The following STYK1 variants were observed in gnomAD, a reference collection of about 807,000 sequenced individuals.
STYK1 encodes tyrosine-protein kinase STYK1.
A neutral mutation model predicts 48.1 loss-of-function variants in STYK1; 46 were observed. That is an observed-to-expected ratio of 0.96 (90% confidence interval 0.75 to 1.22). STYK1 has a LOEUF of 1.22. Among genes scored for constraint, STYK1 ranks in the 50% most tolerant of loss-of-function variants. The probability of loss-of-function intolerance (pLI) is 0.00; values close to 1 mark genes in which losing one functional copy is unlikely to be tolerated. For synonymous variants in STYK1, 188 were observed against 189.0 expected (o/e 0.99, Z 0.04); for missense variants, 527 against 521.1 (o/e 1.01, Z -0.11).
At position 10,627,617 on chromosome 12, in the gene STYK1, A is replaced by T. The variant is rs146506099; in HGVS notation, c.717+24T>A. ...GCTAACAAGGAAACGTCACACCATCAGTTGTCATGTTGCCTCATCTTACCA... is the reference window on the plus strand; with the variant it reads ...GCTAACAAGGAAACGTCACACCATCTGTTGTCATGTTGCCTCATCTTACCA... On this transcript the variant is annotated intron_variant, in intron 7 of 10. Coordinates refer to ENST00000075503, the MANE Select transcript of STYK1 (RefSeq NM_018423.3). 7.2e-4 allele frequency: 1,141 copies of T among 1,593,574 alleles called. 6 individuals are homozygous for T. The Middle Eastern group carries it at 9.0e-3, about 13-fold the overall frequency.
chr12:10,644,118 A>C (rs1171913410), intron 1 of STYK1, among the ~76,000 whole-genome samples: 1 of 152,214 alleles, frequency 6.6e-6, no homozygotes, highest in Non-Finnish European at 1.5e-5. Context: ...CCATCCGTAT[A>C]ATATTTCCAA....
At chr12:10,659,583 G>GCC (rs55811220) in intron 1 of STYK1, among the ~76,000 whole-genome samples, 149,367 of 152,102 alleles carry the variant, frequency 0.98, 73,395 homozygotes, top group East Asian at 1. Flanking sequence ...GGGCCCAGGA[G>GCC]GCAAGTTATC....
At chr12:10,654,584 G>T (rs1430965822) in intron 1 of STYK1, among the ~76,000 whole-genome samples, 1 of 152,156 alleles carries the variant, frequency 6.6e-6, no homozygotes, top group African/African-American at 2.4e-5. Context: ...CCAGGTAAAG[G>T]ATCAGATTGG....
intron 6 of STYK1, among the ~76,000 whole-genome samples, chr12:10,629,005 C>A (rs1486821445): frequency 6.6e-6 from 1 of 152,122 alleles, no homozygotes; most frequent in African/African-American, 2.4e-5. Context: ...TCTGTACCAA[C>A]CATGGCCATG....
At chr12:10,622,166 GA>G (rs926939091) in intron 9 of STYK1, among the ~76,000 whole-genome samples, 194 bp from the exon 10 acceptor site, 120 of 152,210 alleles carry the variant, frequency 7.9e-4, no homozygotes, top group Admixed American at 6.5e-3. Flanking sequence ...GTGTTTTGGA[GA>G]AAAAAACCTG....
chr12:10,656,444 G>A (rs549092199), intron 1 of STYK1, among the ~76,000 whole-genome samples: 1 of 152,148 alleles, frequency 6.6e-6, no homozygotes, highest in South Asian at 2.1e-4. Context: ...GGCTAATATG[G>A]TGAAACCCTG....
chr12:10,633,584 A>G (rs1444592213), intron 4 of STYK1, among the ~76,000 whole-genome samples: 2 of 152,080 alleles, frequency 1.3e-5, no homozygotes, highest in Admixed American at 6.5e-5. Context: ...CCTCCTTTCC[A>G]TCATATATCC....
At chr12:10,670,359 G>A (rs1947878951) in intron 1 of STYK1, among the ~76,000 whole-genome samples, 1 of 152,076 alleles carries the variant, frequency 6.6e-6, no homozygotes, top group African/African-American at 2.4e-5. Context: ...AATGAATAAA[G>A]TATAAATACA....
intron 1 of STYK1, among the ~76,000 whole-genome samples, chr12:10,670,310 C>T (rs1010738235): frequency 6.6e-6 from 1 of 151,948 alleles, no homozygotes; most frequent in African/African-American, 2.4e-5. Flanking sequence ...TTCACAATAT[C>T]CAAGAGATGG....
intron 1 of STYK1, among the ~76,000 whole-genome samples, chr12:10,651,247 G>A (rs151247991): frequency 1.3e-5 from 2 of 152,162 alleles, no homozygotes; most frequent in African/African-American, 4.8e-5. Flanking sequence ...TTTCCTTATG[G>A]TCTTTTATAT....
At chr12:10,645,645 CA>C (rs1291870928) in intron 1 of STYK1, among the ~76,000 whole-genome samples, 1 of 152,124 alleles carries the variant, frequency 6.6e-6, no homozygotes, top group Non-Finnish European at 1.5e-5. Context: ...CAGCAAGAAT[CA>C]AAATAAGCAG....
chr12:10,644,290 A>C (rs564953396), intron 1 of STYK1, among the ~76,000 whole-genome samples: 1 of 152,344 alleles, frequency 6.6e-6, no homozygotes, highest in South Asian at 2.1e-4. Context: ...CATGTGATAA[A>C]ATATCAAAGA....
chr12:10,653,539 G>C (rs910353429), intron 1 of STYK1, among the ~76,000 whole-genome samples: 1 of 152,132 alleles, frequency 6.6e-6, no homozygotes, highest in Non-Finnish European at 1.5e-5. Flanking sequence ...TAAAACCTGA[G>C]AAAAGGTGGA....
chr12:10,655,801 G>A (rs1947711607), intron 1 of STYK1, among the ~76,000 whole-genome samples: 1 of 152,208 alleles, frequency 6.6e-6, no homozygotes, highest in South Asian at 2.1e-4. Context: ...CCTGGCTGAA[G>A]TCAGGTAATA....
chr12:10,642,047 G>A (rs1465148748), intron 1 of STYK1, among the ~76,000 whole-genome samples: 1 of 152,198 alleles, frequency 6.6e-6, no homozygotes, highest in Non-Finnish European at 1.5e-5. Flanking sequence ...TCTCCTAAGG[G>A]TAATAAAGAA....
chr12:10,620,008 G>C lies in STYK1; in HGVS notation c.*136C>G. On this transcript the variant is annotated 3_prime_UTR_variant, in exon 11 of 11. Transcript: ENST00000075503. ...TCCAGCATCATTTCAGATTTCCCGAGAAATGTGTAAAGGAAGATCAAGAAT... is the reference window on the plus strand; with the variant it reads ...TCCAGCATCATTTCAGATTTCCCGACAAATGTGTAAAGGAAGATCAAGAAT... The C allele has an allele frequency of 1.0e-6, 1 of 991,910 alleles. No homozygotes were observed. The highest frequency in any genetic ancestry group is 1.5e-6 in the Non-Finnish European group (1 of 654,190). The allele number at this position is 991,910 out of a possible 1,614,324, so 61.4% of individuals were successfully genotyped here. A position where few individuals can be genotyped will look rare whatever the true frequency, so the allele number is the denominator to read the frequency against.
rs1025679176 is a variant in STYK1 at position 10,651,471 on chromosome 12, A to G, written c.-194-14275T>C. 2.5e-4 allele frequency among the ~76,000 whole-genome samples: 38 copies of G among 152,222 alleles called. 1 individual carries two copies. Among genetic ancestry groups the G allele is most frequent in the Non-Finnish European group, 8.8e-5 (6 of 68,042 alleles). On this transcript the variant is annotated intron_variant, in intron 1 of 10. Transcript: ENST00000075503. ...ATCTGTAAATTGGGTTTGCAATATT[A>G]TCTAACACAAAGAGCCATTGTAATA...
At chr12:10,646,514 A>G (rs1947600797) in intron 1 of STYK1, among the ~76,000 whole-genome samples, 1 of 152,208 alleles carries the variant, frequency 6.6e-6, no homozygotes, top group Non-Finnish European at 1.5e-5. Context: ...TGTTAAAGGC[A>G]TTCAGTTTTA....
chr12:10,654,431 G>T (rs953825296), intron 1 of STYK1, among the ~76,000 whole-genome samples: 8 of 152,088 alleles, frequency 5.3e-5, no homozygotes, highest in East Asian at 1.9e-4. Context: ...CTCTCTTGGG[G>T]TCTGGATTGG....
Sources: gnomAD v4.1 joint callset for allele counts (sites outside exome capture counted in the v4.1 genomes callset) on GRCh38, gnomAD v4.1.1 for gene constraint, MANE v1.5 for transcripts, NCBI Gene and HGNC (gene_info 2026-07-23, HGNC 2026-07-21) for gene names.